Variants in NRXN3 observed in about 807,000 individuals in gnomAD.
NRXN3 encodes the protein neurexin III.
NRXN3 carries 32 observed loss-of-function variants against 137.6 expected under a neutral mutation model. The observed-to-expected ratio is 0.23, with a 90% CI of 0.18 to 0.31. The LOEUF is 0.31. Among genes scored for constraint, NRXN3 ranks in the 10% least tolerant of loss-of-function variants. The pLI is 1.00. For missense variants in NRXN3, 1,574 were observed against 2,062.5 expected, an observed-to-expected ratio of 0.76 and a Z score of 4.59; for synonymous variants, 798 against 784.5, an observed-to-expected ratio of 1.02 and a Z score of -0.29.
intron 4 of NRXN3, among the ~76,000 whole-genome samples, chr14:78,554,986 C>T (rs186456671): frequency 6.6e-6 from 1 of 152,204 alleles, no homozygotes; most frequent in Admixed American, 6.5e-5. Context: ...AGCATGGGCT[C>T]TGGAGGCCCA....
At chr14:79,574,633 G>A (rs1602325584) in intron 16 of NRXN3, among the ~76,000 whole-genome samples, 1 of 152,188 alleles carries the variant, frequency 6.6e-6, no homozygotes, top group East Asian at 1.9e-4. Context: ...ATCCTCAGAC[G>A]TGGTGGCTGG....
At chr14:78,953,478 A>G (rs1040475985) in intron 10 of NRXN3, among the ~76,000 whole-genome samples, 9 of 152,340 alleles carry the variant, frequency 5.9e-5, no homozygotes, top group South Asian at 2.1e-4. Context: ...CCTCAAAGAG[A>G]TGGTGCTAAA....
At chr14:78,588,348 T>C (rs990917690) in intron 4 of NRXN3, among the ~76,000 whole-genome samples, 1 of 152,242 alleles carries the variant, frequency 6.6e-6, no homozygotes, top group Non-Finnish European at 1.5e-5. Flanking sequence ...TCCTAGGTGA[T>C]ACAGTTTGTA....
intron 10 of NRXN3, among the ~76,000 whole-genome samples, chr14:78,905,139 C>T (rs1287606437): frequency 6.6e-6 from 1 of 151,988 alleles, no homozygotes; most frequent in African/African-American, 2.4e-5. Context: ...TGAGCCAACT[C>T]CTTGCATTCT....
In NRXN3 at chr14:78,428,779, G is replaced by A. The variant is rs78645168; in HGVS notation, c.757+130919G>A. ...GACAGGACAGATTCTGTCTTACTGC[G>A]GGAGGTCAGCCTTTGTGTTCTATTC... On this transcript the variant is annotated intron_variant, in intron 4 of 20. Transcript: ENST00000335750. 6.1e-3 allele frequency among the ~76,000 whole-genome samples: 923 copies of A among 152,166 alleles called. 28 individuals are homozygous for A. In the East Asian group the frequency reaches 0.066, roughly 11 times the overall value.
At chr14:78,923,351 T>C (rs2099276251) in intron 10 of NRXN3, among the ~76,000 whole-genome samples, 1 of 152,214 alleles carries the variant, frequency 6.6e-6, no homozygotes, top group Admixed American at 6.5e-5. Flanking sequence ...ACAGCTGCTT[T>C]GAAGGTTTGA....
chr14:79,358,608 A>AGAAG (rs1555397488), intron 15 of NRXN3, among the ~76,000 whole-genome samples: 40 of 4,502 alleles, frequency 8.9e-3, no homozygotes, highest in Admixed American at 0.023. Flanking sequence ...AGAAAGAAAG[A>AGAAG]GAAAGAAAGA....
At chr14:78,364,753 G>A (rs1171627191) in intron 4 of NRXN3, among the ~76,000 whole-genome samples, 1 of 152,128 alleles carries the variant, frequency 6.6e-6, no homozygotes, top group Non-Finnish European at 1.5e-5. Context: ...AAATAGACAG[G>A]TGTCTTATAC....
At chr14:79,239,156 A>G (rs1456271940) in intron 15 of NRXN3, among the ~76,000 whole-genome samples, 2 of 152,170 alleles carry the variant, frequency 1.3e-5, no homozygotes, top group Admixed American at 1.3e-4. Context: ...ATTAATGACA[A>G]TAACTAATAA....
intron 15 of NRXN3, among the ~76,000 whole-genome samples, chr14:79,128,050 T>A (rs2056828220): frequency 6.6e-6 from 1 of 151,168 alleles, no homozygotes; most frequent in African/African-American, 2.5e-5. Context: ...TTGCTGAAGT[T>A]GCTTATCAGC....
rs997219527 is a variant in NRXN3 at position 79,862,171 on chromosome 14, G to A, written c.*207G>A. ...CTCTCTAAAGCTCAGCCACGGCTGC[G>A]GCAAGGTCCCAGCGGTCGCTGGGAG... is the stretch of plus-strand genomic sequence containing the variant. On this transcript the variant is annotated 3_prime_UTR_variant, in exon 21 of 21. Coordinates refer to ENST00000335750, the MANE Select transcript of NRXN3 (RefSeq NM_001330195.2). The A allele has an allele frequency of 1.3e-5, 7 of 546,874 alleles. No homozygotes were observed. Among genetic ancestry groups the A allele is most frequent in the African/African-American group, 7.6e-5 (4 of 52,772 alleles). The allele number at this position is 546,874 out of a possible 1,614,324, so 33.9% of individuals were successfully genotyped here.
chr14:79,697,657 A>C lies in NRXN3; in HGVS notation c.3734A>C (p.Gln1245Pro), dbSNP rs1413211264. 6.2e-7 allele frequency: 1 copy of C among 1,612,594 alleles called. No homozygotes were observed. Among genetic ancestry groups the C allele is most frequent in the Admixed American group, 1.7e-5 (1 of 59,912 alleles). ...KGRQLTIFNTQAQIAIGGKDK... is the reference protein window; with the variant it reads ...KGRQLTIFNTPAQIAIGGKDK... The stretch of plus-strand genomic sequence containing the variant: ...CGGCAGTTAACCATCTTCAACACTC[A>C]GGCGCAAATAGCCATTGGTGGAAAG... The change falls in exon 19 of 21, where the codon CAG (glutamine) becomes CCG (proline). Residue 1245 changes from glutamine (Q) to proline (P), a missense_variant. Coordinates refer to ENST00000335750, the MANE Select transcript of NRXN3 (RefSeq NM_001330195.2).
chr14:78,810,468 G>A, intron 10 of NRXN3, 124 bp downstream of exon 10: 1 of 232,560 alleles, frequency 4.3e-6, no homozygotes, highest in Non-Finnish European at 7.8e-6. Context: ...AATGGAGTGG[G>A]GGGGACCTGG....
intron 16 of NRXN3, among the ~76,000 whole-genome samples, chr14:79,469,961 T>A (rs777874880): frequency 4.6e-5 from 7 of 152,182 alleles, no homozygotes; most frequent in Non-Finnish European, 7.3e-5. Context: ...TTTTGGACAT[T>A]TAAGTAGATA....
intron 19 of NRXN3, among the ~76,000 whole-genome samples, chr14:79,799,897 A>C (rs898779538): frequency 6.6e-6 from 1 of 152,206 alleles, no homozygotes; most frequent in Non-Finnish European, 1.5e-5. Context: ...TCTTATCTAT[A>C]GCTTTATCCC....
chr14:78,421,617 C>T (rs1460880972), intron 4 of NRXN3, among the ~76,000 whole-genome samples: 1 of 152,090 alleles, frequency 6.6e-6, no homozygotes, highest in East Asian at 1.9e-4. Flanking sequence ...CAAATATTCT[C>T]CAGAGAAACA....
At chr14:78,347,029 T>A (rs866519001) in intron 4 of NRXN3, among the ~76,000 whole-genome samples, 1 of 152,196 alleles carries the variant, frequency 6.6e-6, no homozygotes, top group African/African-American at 2.4e-5. Context: ...AATTACAATT[T>A]GAATAAGTTA....
intron 4 of NRXN3, among the ~76,000 whole-genome samples, chr14:78,415,670 G>A (rs935281174): frequency 6.6e-6 from 1 of 152,128 alleles, no homozygotes; most frequent in African/African-American, 2.4e-5. Context: ...GTGTCCCCTT[G>A]AAATTGCTAT....
chr14:79,365,644 G>A (rs2093852317), intron 15 of NRXN3, among the ~76,000 whole-genome samples: 1 of 148,254 alleles, frequency 6.7e-6, no homozygotes, highest in South Asian at 2.1e-4. Flanking sequence ...GCATGAACCC[G>A]GGAAGCGGAG....
Sources: allele counts gnomAD v4.1 joint callset (sites outside exome capture counted in the v4.1 genomes callset), GRCh38; gene constraint gnomAD v4.1.1; transcripts MANE v1.5; gene names NCBI Gene and HGNC (gene_info 2026-07-23, HGNC 2026-07-21).